The following DNER variants were observed in gnomAD, a reference collection of about 807,000 sequenced individuals.
The protein encoded by DNER is delta and Notch-like epidermal growth factor-related receptor.
A neutral mutation model predicts 78.2 loss-of-function variants in DNER; 33 were observed. The ratio of observed to expected loss-of-function variants is 0.42; its 90% confidence interval spans 0.32 to 0.56. The LOEUF is 0.56. DNER is among the 20% of genes least tolerant of loss of function. The pLI is 0.11. For synonymous variants in DNER, 417 were observed against 384.8 expected, an observed-to-expected ratio of 1.08 and a Z score of -0.98; for missense variants, 918 against 975.3, an observed-to-expected ratio of 0.94 and a Z score of 0.78.
chr2:229,512,125 G>C (rs1483451052), intron 6 of DNER, among the ~76,000 whole-genome samples: 2 of 152,214 alleles, frequency 1.3e-5, no homozygotes, highest in African/African-American at 4.8e-5. Context: ...TCTTATGCCT[G>C]TAATCCCAGC....
chr2:229,583,191 T>G (rs949107895), intron 4 of DNER, among the ~76,000 whole-genome samples: 5 of 152,220 alleles, frequency 3.3e-5, no homozygotes, highest in Non-Finnish European at 1.5e-5. Flanking sequence ...AAATATGAAC[T>G]TATACAGATG....
chr2:229,714,429 G>C lies in DNER; in HGVS notation c.-6C>G. Reference sequence around the variant, plus strand: ...TGGGCGCGGCGGGGCTGCATGGCCGGCCGGGAGGGCGCGGGAGCCGGAGCC... The same window carrying C: ...TGGGCGCGGCGGGGCTGCATGGCCGCCCGGGAGGGCGCGGGAGCCGGAGCC... On this transcript the variant is annotated 5_prime_UTR_variant, in exon 1 of 13. Transcript: ENST00000341772. 1 of 1,134,116 alleles carries C rather than the reference G, an allele frequency of 8.8e-7. No individual in the cohort carries two copies. Among genetic ancestry groups the C allele is most frequent in the Non-Finnish European group, 1.1e-6 (1 of 928,580 alleles). 70.3% of individuals were successfully genotyped at this position (1,134,116 alleles called of 1,614,324 possible).
intron 4 of DNER, among the ~76,000 whole-genome samples, chr2:229,565,196 T>C (rs1406954319): frequency 1.3e-5 from 2 of 152,120 alleles, no homozygotes; most frequent in Non-Finnish European, 2.9e-5. Flanking sequence ...CTGGAAAAGT[T>C]TGCTCCCTGA....
At chr2:229,571,212 G>A (rs1697213643) in intron 4 of DNER, among the ~76,000 whole-genome samples, 1 of 152,094 alleles carries the variant, frequency 6.6e-6, no homozygotes. Flanking sequence ...GTGGGAAAGA[G>A]TAAAGTTAAG....
intron 11 of DNER, among the ~76,000 whole-genome samples, chr2:229,387,613 G>A (rs1232550024): frequency 1.3e-5 from 2 of 152,042 alleles, no homozygotes; most frequent in African/African-American, 2.4e-5. Flanking sequence ...AAGCAAGCTC[G>A]ATTCCATGTT....
intron 1 of DNER, among the ~76,000 whole-genome samples, chr2:229,667,617 TGCC>T (rs1426753700): frequency 6.6e-6 from 1 of 152,196 alleles, no homozygotes; most frequent in Non-Finnish European, 1.5e-5. Flanking sequence ...CCATAGCATT[TGCC>T]CCAAATAAAT....
At chr2:229,555,860 G>A (rs755296950) in intron 4 of DNER, among the ~76,000 whole-genome samples, 1 of 152,024 alleles carries the variant, frequency 6.6e-6, no homozygotes, top group South Asian at 2.1e-4. Context: ...ATGTTGGGAT[G>A]CTACCAGTTC....
chr2:229,554,921 A>AAG (rs1696826091), intron 4 of DNER, among the ~76,000 whole-genome samples: 1 of 64,070 alleles, frequency 1.6e-5, no homozygotes, highest in Non-Finnish European at 3.1e-5. Context: ...AGAAGAGAAG[A>AAG]GAAGAGAAGA....
intron 4 of DNER, among the ~76,000 whole-genome samples, chr2:229,551,288 T>TC: frequency 6.6e-6 from 1 of 152,216 alleles, no homozygotes; most frequent in Non-Finnish European, 1.5e-5. Flanking sequence ...TAATAACCCT[T>TC]CTGAAAACAG....
intron 12 of DNER, among the ~76,000 whole-genome samples, chr2:229,363,387 A>C (rs1457810372): frequency 6.6e-6 from 1 of 152,196 alleles, no homozygotes; most frequent in Non-Finnish European, 1.5e-5. Context: ...AAAACTATGG[A>C]GAGGATAACA....
chr2:229,540,891 A>G (rs944023656), intron 5 of DNER, among the ~76,000 whole-genome samples: 1 of 152,198 alleles, frequency 6.6e-6, no homozygotes, highest in African/African-American at 2.4e-5. Context: ...CTAAGGCAAG[A>G]GACAGTGAGG....
intron 1 of DNER, among the ~76,000 whole-genome samples, chr2:229,613,464 G>C (rs541602321): frequency 6.6e-6 from 1 of 152,250 alleles, no homozygotes; most frequent in South Asian, 2.1e-4. Flanking sequence ...TGCTATGAGC[G>C]TTGAAAATAG....
intron 1 of DNER, among the ~76,000 whole-genome samples, chr2:229,665,567 A>G (rs2154216681): frequency 6.6e-6 from 1 of 152,360 alleles, no homozygotes; most frequent in South Asian, 2.1e-4. Flanking sequence ...AACTAAAAAT[A>G]TGAATAATGT....
chr2:229,630,951 G>C (rs1256064807), intron 1 of DNER, among the ~76,000 whole-genome samples: 1 of 149,058 alleles, frequency 6.7e-6, no homozygotes, highest in African/African-American at 2.4e-5. Flanking sequence ...CATCCATGTT[G>C]CTGGAAAGGA....
intron 1 of DNER, among the ~76,000 whole-genome samples, chr2:229,678,167 T>C (rs1041658303): frequency 6.6e-6 from 1 of 152,190 alleles, no homozygotes; most frequent in East Asian, 1.9e-4. Context: ...GAAGCACGTG[T>C]CTTCCAGGGC....
intron 1 of DNER, among the ~76,000 whole-genome samples, chr2:229,647,144 G>A (rs1192412413): frequency 6.6e-6 from 1 of 152,206 alleles, no homozygotes; most frequent in East Asian, 1.9e-4. Flanking sequence ...TCCAGCCTGG[G>A]CGACAGAGCA....
chr2:229,569,186 G>A lies in DNER; in HGVS notation c.847+16672C>T, dbSNP rs6746752. 4.7e-3 allele frequency among the ~76,000 whole-genome samples: 716 copies of A among 152,260 alleles called. 2 individuals are homozygous for A. Among genetic ancestry groups the A allele is most frequent in the African/African-American group, 0.013 (550 of 41,542 alleles). ...ATCCCTCAGTATTCACAGGATACTC[G>A]TTCCAGGAACCCCCACAGATACCAA... is the stretch of plus-strand genomic sequence containing the variant. On this transcript the variant is annotated intron_variant, in intron 4 of 12. Transcript: ENST00000341772.
At chr2:229,455,686 A>T (rs1456904812) in intron 7 of DNER, among the ~76,000 whole-genome samples, 2 of 152,100 alleles carry the variant, frequency 1.3e-5, no homozygotes, top group Non-Finnish European at 2.9e-5. Flanking sequence ...GGTGGGAGGT[A>T]GGAGTGTCCC....
intron 7 of DNER, among the ~76,000 whole-genome samples, chr2:229,449,264 AT>A (rs1694402480): frequency 6.6e-6 from 1 of 152,126 alleles, no homozygotes; most frequent in South Asian, 2.1e-4. Context: ...ATACTTAAAC[AT>A]TTTTCAACAT....
Sources: allele counts gnomAD v4.1 joint callset (sites outside exome capture counted in the v4.1 genomes callset), GRCh38; gene constraint gnomAD v4.1.1; transcripts MANE v1.5; gene names NCBI Gene and HGNC (gene_info 2026-07-23, HGNC 2026-07-21).